The following ULK4 variants were observed in gnomAD, a reference collection of about 807,000 sequenced individuals.
ULK4 encodes inactive serine/threonine-protein kinase ULK4.
A neutral mutation model predicts 160.6 loss-of-function variants in ULK4; 133 were observed. The observed-to-expected ratio is 0.83, with a 90% CI of 0.72 to 0.96. The LOEUF (loss-of-function observed/expected upper bound fraction) is 0.96. ULK4 is among the 40% of genes least tolerant of loss of function. The pLI is 0.00. For synonymous variants in ULK4, 534 were observed against 539.8 expected (o/e 0.99, Z 0.15); for missense variants, 1,580 against 1,499.5 (o/e 1.05, Z -0.89).
intron 32 of ULK4, among the ~76,000 whole-genome samples, chr3:41,485,385 G>T (rs937332): frequency 0.41 from 62,272 of 152,012 alleles, 12,945 homozygotes; most frequent in African/African-American, 0.43. Context: ...GCTTCCCATA[G>T]GAAGTTGAAT....
chr3:41,949,006 T>C (rs1460782652), intron 2 of ULK4, among the ~76,000 whole-genome samples: 1 of 152,108 alleles, frequency 6.6e-6, no homozygotes, highest in Non-Finnish European at 1.5e-5. Flanking sequence ...TGATTGATTT[T>C]ATATGTAGAA....
chr3:41,919,973 T>C (rs1054175320), intron 5 of ULK4, among the ~76,000 whole-genome samples, 155 bp from the exon 6 acceptor site: 6 of 152,160 alleles, frequency 3.9e-5, no homozygotes, highest in African/African-American at 1.4e-4. Flanking sequence ...AAATGTTTTC[T>C]AATTTTAAGG....
intron 35 of ULK4, among the ~76,000 whole-genome samples, chr3:41,257,644 A>T (rs1449309799): frequency 1.3e-5 from 2 of 152,098 alleles, no homozygotes; most frequent in African/African-American, 2.4e-5. Context: ...AAAAAAAAAA[A>T]AAAAATTAAA....
At chr3:41,877,528 T>C (rs1335530512) in intron 17 of ULK4, among the ~76,000 whole-genome samples, 2 of 151,980 alleles carry the variant, frequency 1.3e-5, no homozygotes, top group African/African-American at 4.8e-5. Flanking sequence ...GGTTTTGCCA[T>C]GTTGGCCAAG....
intron 31 of ULK4, among the ~76,000 whole-genome samples, chr3:41,592,011 C>T (rs990587714): frequency 6.6e-6 from 1 of 152,168 alleles, no homozygotes; most frequent in Non-Finnish European, 1.5e-5. Flanking sequence ...GTCTTGCATC[C>T]GGAACTTTTG....
intron 6 of ULK4, among the ~76,000 whole-genome samples, chr3:41,918,960 G>GA (rs1243860723): frequency 6.6e-6 from 1 of 152,060 alleles, no homozygotes; most frequent in African/African-American, 2.4e-5. Context: ...ACAACTTATA[G>GA]AAAAAATATA....
chr3:41,680,755 C>A (rs905713930), intron 29 of ULK4, among the ~76,000 whole-genome samples: 6 of 152,150 alleles, frequency 3.9e-5, no homozygotes, highest in African/African-American at 1.2e-4. Context: ...ACCCAGACTG[C>A]GGCCCAGGCC....
intron 35 of ULK4, among the ~76,000 whole-genome samples, chr3:41,329,307 A>T (rs985292056): frequency 6.6e-6 from 1 of 152,140 alleles, no homozygotes; most frequent in Admixed American, 6.5e-5. Context: ...AATTTGGCTC[A>T]ATCTGGGGAG....
chr3:41,843,200 G>A (rs2125663907), intron 17 of ULK4, among the ~76,000 whole-genome samples: 1 of 152,250 alleles, frequency 6.6e-6, no homozygotes, highest in Non-Finnish European at 1.5e-5. Flanking sequence ...CACATAAAAA[G>A]ATGTTCAACA....
At position 41,915,960 on chromosome 3, in the gene ULK4, C is replaced by G. The variant is rs750897880; in HGVS notation, c.803+17G>C. On this transcript the variant is annotated intron_variant, in intron 8 of 36. Transcript: ENST00000301831. ...ACTCAAAAGAAAAAGAAAAAAAGAT[C>G]GAACTACTGTCCCTACCTTTTCTGA... The G allele has an allele frequency of 3.2e-6, 5 of 1,549,346 alleles. No homozygotes were observed. Among genetic ancestry groups the G allele is most frequent in the South Asian group, 1.2e-5 (1 of 82,954 alleles).
At chr3:41,915,102 T>C (rs1247099255) in intron 8 of ULK4, among the ~76,000 whole-genome samples, 1 of 152,136 alleles carries the variant, frequency 6.6e-6, no homozygotes, top group African/African-American at 2.4e-5. Context: ...CATACAGTTA[T>C]AAATGTAGGG....
intron 34 of ULK4, among the ~76,000 whole-genome samples, chr3:41,435,433 T>C (rs1402282969): frequency 1.3e-5 from 2 of 151,560 alleles, no homozygotes; most frequent in South Asian, 2.1e-4. Flanking sequence ...AATAACTATA[T>C]ATCTGTTTCT....
intron 34 of ULK4, among the ~76,000 whole-genome samples, chr3:41,429,378 A>G (rs13063253): frequency 0.11 from 17,469 of 152,208 alleles, 1,174 homozygotes; most frequent in Admixed American, 0.16. Flanking sequence ...ATAACATTTG[A>G]CCCAGCAATC....
intron 30 of ULK4, among the ~76,000 whole-genome samples, chr3:41,658,728 T>TAC (rs748566253): frequency 0.042 from 3,572 of 84,474 alleles, 50 homozygotes; most frequent in East Asian, 0.11. Flanking sequence ...TGAAAAACAG[T>TAC]ACACACACAC....
intron 34 of ULK4, among the ~76,000 whole-genome samples, chr3:41,449,382 G>A (rs914002148): frequency 1.3e-5 from 2 of 152,114 alleles, no homozygotes; most frequent in African/African-American, 4.8e-5. Context: ...TTGAATCTGA[G>A]GTACTTATGG....
chr3:41,689,043 TTCCCC>T (rs1179833824), intron 27 of ULK4, among the ~76,000 whole-genome samples: 1 of 152,214 alleles, frequency 6.6e-6, no homozygotes, highest in Non-Finnish European at 1.5e-5. Context: ...GCCAAAAATG[TTCCCC>T]GAACCAATCA....
intron 4 of ULK4, among the ~76,000 whole-genome samples, chr3:41,932,354 C>T (rs560962114): frequency 2.6e-5 from 4 of 152,098 alleles, no homozygotes; most frequent in African/African-American, 9.7e-5. Flanking sequence ...AACCCAACTG[C>T]CTGAGGTGTT....
intron 29 of ULK4, among the ~76,000 whole-genome samples, chr3:41,669,452 C>T (rs1219379945): frequency 6.6e-6 from 1 of 152,152 alleles, no homozygotes; most frequent in Non-Finnish European, 1.5e-5. Context: ...GAGACAAGGT[C>T]TCACTATGTT....
rs184323311 is a variant in ULK4, at chr3:41,768,512, T to C, written c.2194-14024A>G. Among the ~76,000 whole-genome samples, 54 of 152,254 alleles carry C rather than the reference T, an allele frequency of 3.5e-4. No individual in the cohort carries two copies. In the East Asian group the frequency reaches 0.01, roughly 30 times the overall value. The stretch of plus-strand genomic sequence containing the variant: ...CTCTTGGAACTCTGCCACCATGCTG[T>C]GAGGAAGCCCAAACAGCCTGTAGAG... On this transcript the variant is annotated intron_variant, in intron 21 of 36. Transcript: ENST00000301831.
Sources: gnomAD v4.1 joint callset for allele counts (sites outside exome capture counted in the v4.1 genomes callset) on GRCh38, gnomAD v4.1.1 for gene constraint, MANE v1.5 for transcripts, NCBI Gene and HGNC (gene_info 2026-07-23, HGNC 2026-07-21) for gene names.